KLHL2: variants seen among roughly 807,000 people sequenced by gnomAD.
The protein encoded by KLHL2 is kelch like family member 2.
In KLHL2, 15 loss-of-function variants were observed where a neutral mutation model predicts 75.8. The observed-to-expected ratio is 0.20, with a 90% confidence interval of 0.13 to 0.30. The LOEUF is 0.30. Ranked by LOEUF, KLHL2 falls within the 10% of genes least tolerant of loss-of-function variation. The pLI is 1.00. For synonymous variants in KLHL2, 214 were observed against 251.9 expected (o/e 0.85, Z 1.42); for missense variants, 381 against 741.0 (o/e 0.51, Z 5.64).
In KLHL2 at chr4:165,278,911, C is replaced by T. The variant is rs570912230; in HGVS notation, c.545-15448C>T. Reference sequence around the variant, plus strand: ...ATATTGGCACACCTTCCAAGGCCCCCGCTTTCATTAGGCCATAGATCTCAG... The same window carrying T: ...ATATTGGCACACCTTCCAAGGCCCCTGCTTTCATTAGGCCATAGATCTCAG... On this transcript the variant is annotated intron_variant, in intron 5 of 14. Coordinates refer to ENST00000226725, the MANE Select transcript of KLHL2 (RefSeq NM_007246.4). The T allele has an allele frequency of 1.4e-4, 202 of 1,407,314 alleles. 1 individual carries two copies. In the African/African-American group the frequency reaches 2.3e-3, roughly 16 times the overall value. 87.2% of individuals were successfully genotyped at this position (1,407,314 alleles called of 1,614,324 possible).
At chr4:165,232,443 GA>G (rs1738974167) in intron 3 of KLHL2, among the ~76,000 whole-genome samples, 1 of 148,492 alleles carries the variant, frequency 6.7e-6, no homozygotes, top group African/African-American at 2.5e-5. Flanking sequence ...AAAAAAAAAA[GA>G]TAAAGGCAGG....
chr4:165,291,540 A>T (rs1206512710), intron 5 of KLHL2, among the ~76,000 whole-genome samples: 1 of 152,182 alleles, frequency 6.6e-6, no homozygotes, highest in Non-Finnish European at 1.5e-5. Flanking sequence ...ACTGTTTTGC[A>T]TATGGATGTT....
At chr4:165,215,723 A>AT (rs544528888) in intron 1 of KLHL2, among the ~76,000 whole-genome samples, 6,459 of 150,558 alleles carry the variant, frequency 0.043, 182 homozygotes, top group African/African-American at 0.085. Flanking sequence ...GAATGGTTGC[A>AT]TTTTTTTTTT....
chr4:165,277,748 A>ACAC (rs1743242856), intron 5 of KLHL2: 28 of 534,358 alleles, frequency 5.2e-5, no homozygotes, highest in African/African-American at 2.4e-4. Context: ...GGATGTTAAA[A>ACAC]ACACACACAC....
At chr4:165,294,818 C>G (rs6849394) in intron 6 of KLHL2, among the ~76,000 whole-genome samples, 3,764 of 152,320 alleles carry the variant, frequency 0.025, 147 homozygotes, top group African/African-American at 0.084. Context: ...TCCTACAACT[C>G]AATGCCTGTA....
chr4:165,210,243 A>G, intron 1 of KLHL2: 2 of 1,453,706 alleles, frequency 1.4e-6, no homozygotes, highest in South Asian at 2.4e-5. Context: ...TCTGCCTGGC[A>G]CTGTGCGTGG....
intron 3 of KLHL2, among the ~76,000 whole-genome samples, chr4:165,236,475 C>A (rs1006533408): frequency 2.0e-5 from 3 of 152,098 alleles, no homozygotes; most frequent in African/African-American, 7.2e-5. Context: ...CTTCAGTCTC[C>A]CTAGTAGCTG....
chr4:165,322,206 C>G lies in KLHL2; in HGVS notation c.*146C>G. The G allele has an allele frequency of 1.4e-6, 1 of 726,852 alleles. No individual in the cohort carries two copies. The highest frequency in any genetic ancestry group is 2.4e-6 in the Non-Finnish European group (1 of 424,774). The allele number at this position is 726,852 out of a possible 1,614,324, so 45.0% of individuals were successfully genotyped here. ...TACGATCGTCTGCCTTTATAGGCCT[C>G]AGATACTGAAGATTATTTTTGGTAG... On this transcript the variant is annotated 3_prime_UTR_variant, in exon 15 of 15. Coordinates refer to ENST00000226725, the MANE Select transcript of KLHL2 (RefSeq NM_007246.4).
At chr4:165,260,492 T>A (rs1008441102) in intron 4 of KLHL2, among the ~76,000 whole-genome samples, 4 of 152,124 alleles carry the variant, frequency 2.6e-5, no homozygotes, top group African/African-American at 9.7e-5. Flanking sequence ...ATACGGTAGA[T>A]CTGAACTTGG....
At chr4:165,214,937 A>G (rs1030934734) in intron 1 of KLHL2, among the ~76,000 whole-genome samples, 1 of 151,006 alleles carries the variant, frequency 6.6e-6, no homozygotes, top group Non-Finnish European at 1.5e-5. Flanking sequence ...AAGAAAAAAG[A>G]GATAGAAGTT....
At chr4:165,262,283 T>C (rs553498243) in intron 4 of KLHL2, among the ~76,000 whole-genome samples, 1 of 152,326 alleles carries the variant, frequency 6.6e-6, no homozygotes, top group African/African-American at 2.4e-5. Context: ...ACCTATTACA[T>C]TTTCCTTGTT....
intron 5 of KLHL2, among the ~76,000 whole-genome samples, chr4:165,270,572 G>A (rs190502736): frequency 6.6e-6 from 1 of 152,230 alleles, no homozygotes; most frequent in African/African-American, 2.4e-5. Context: ...TCTTCCAACA[G>A]GCCCCTCAGC....
At chr4:165,261,367 GTC>G (rs1412638240) in intron 4 of KLHL2, among the ~76,000 whole-genome samples, 18 of 152,216 alleles carry the variant, frequency 1.2e-4, no homozygotes, top group Non-Finnish European at 1.2e-4. Context: ...TTGAGACGGA[GTC>G]TCTCTCTGTC....
intron 5 of KLHL2, among the ~76,000 whole-genome samples, chr4:165,286,508 A>G (rs1744105792): frequency 2.0e-5 from 3 of 152,220 alleles, no homozygotes; most frequent in South Asian, 2.1e-4. Context: ...TTAGGGAGGT[A>G]AAGGAGGCAG....
chr4:165,230,847 C>G (rs922576024), intron 3 of KLHL2, among the ~76,000 whole-genome samples: 4 of 152,240 alleles, frequency 2.6e-5, no homozygotes, highest in Non-Finnish European at 4.4e-5. Context: ...CTCTATGCTT[C>G]ATGATTTAGC....
At chr4:165,318,497 C>A (rs1282334689) in intron 14 of KLHL2, among the ~76,000 whole-genome samples, 7 of 151,942 alleles carry the variant, frequency 4.6e-5, no homozygotes, top group African/African-American at 1.7e-4. Context: ...TTATATTTAT[C>A]TTGCTTTTAA....
chr4:165,297,407 T>TAA (rs200104494), intron 6 of KLHL2, among the ~76,000 whole-genome samples: 2 of 142,236 alleles, frequency 1.4e-5, no homozygotes, highest in African/African-American at 2.5e-5. Flanking sequence ...TTTGGGTAAA[T>TAA]AAAAAAAAAA....
At chr4:165,249,920 C>A (rs1022238441) in intron 4 of KLHL2, among the ~76,000 whole-genome samples, 3 of 152,018 alleles carry the variant, frequency 2.0e-5, no homozygotes, top group African/African-American at 7.2e-5. Context: ...GTCAGGAGAT[C>A]GAGACCATCC....
At chr4:165,263,464 T>C (rs1741868253) in intron 5 of KLHL2, 105 bp downstream of exon 5, 2 of 1,488,430 alleles carry the variant, frequency 1.3e-6, no homozygotes, top group African/African-American at 2.8e-5. Context: ...GGATCTGGGC[T>C]TTATAAAAAT....
Sources: allele counts gnomAD v4.1 joint callset (sites outside exome capture counted in the v4.1 genomes callset), GRCh38; gene constraint gnomAD v4.1.1; transcripts MANE v1.5; gene names NCBI Gene and HGNC (gene_info 2026-07-23, HGNC 2026-07-21).